DLGAP1: variants seen among roughly 807,000 people sequenced by gnomAD.
The protein encoded by DLGAP1 is DLG associated protein 1.
DLGAP1 carries 11 observed loss-of-function variants against 90.8 expected under a neutral mutation model. The observed-to-expected ratio is 0.12, with a 90% CI of 0.08 to 0.20. The LOEUF (loss-of-function observed/expected upper bound fraction) is 0.20, where lower values mean the gene tolerates loss of function less well. Among genes scored for constraint, DLGAP1 ranks in the 10% least tolerant of loss-of-function variants. The pLI, the probability that DLGAP1 is intolerant of heterozygous loss-of-function variation, is 1.00. For synonymous variants in DLGAP1, 558 were observed against 540.7 expected (o/e 1.03, Z -0.44); for missense variants, 1,050 against 1,333.8 (o/e 0.79, Z 3.31).
At position 3,827,476 on chromosome 18, in the gene DLGAP1, C is replaced by T. The variant is rs77268316; in HGVS notation, c.958-13203G>A. Reference sequence around the variant, plus strand: ...ATCCCATGGGACACTAAGTCAGCAACGTTAATTTTATCTCTTAGTCTCAGT... The same window carrying T: ...ATCCCATGGGACACTAAGTCAGCAATGTTAATTTTATCTCTTAGTCTCAGT... On this transcript the variant is annotated intron_variant, in intron 4 of 12. Coordinates refer to ENST00000315677, the MANE Select transcript of DLGAP1 (RefSeq NM_004746.4). Among the ~76,000 whole-genome samples the T allele has an allele frequency of 4.1e-3, 619 of 152,268 alleles. 13 individuals carry two copies. In the East Asian group the frequency reaches 0.051, roughly 13 times the overall value.
chr18:4,433,871 A>C (rs1012903637), intron 1 of DLGAP1, among the ~76,000 whole-genome samples: 4 of 152,184 alleles, frequency 2.6e-5, no homozygotes, highest in African/African-American at 9.7e-5. Flanking sequence ...TCAGTGATTC[A>C]TTGCTGCGTA....
chr18:3,840,071 C>G (rs181915987), intron 4 of DLGAP1, among the ~76,000 whole-genome samples: 1 of 152,230 alleles, frequency 6.6e-6, no homozygotes, highest in African/African-American at 2.4e-5. Flanking sequence ...CCTCTGACCA[C>G]GTATTTAGGC....
intron 1 of DLGAP1, among the ~76,000 whole-genome samples, chr18:4,429,515 A>C (rs2083233867): frequency 6.6e-6 from 1 of 152,228 alleles, no homozygotes; most frequent in Non-Finnish European, 1.5e-5. Flanking sequence ...TCACAATAAA[A>C]ATAACTTTTC....
intron 1 of DLGAP1, among the ~76,000 whole-genome samples, chr18:4,288,684 A>G (rs578015114): frequency 6.6e-6 from 1 of 152,196 alleles, no homozygotes; most frequent in African/African-American, 2.4e-5. Context: ...AGACACTTGA[A>G]TGTTTTAGGA....
chr18:4,005,934 A>C (rs1479171756), intron 2 of DLGAP1, among the ~76,000 whole-genome samples: 1 of 152,132 alleles, frequency 6.6e-6, no homozygotes, highest in East Asian at 1.9e-4. Context: ...TGTAATCTCT[A>C]AATGGTGATT....
intron 2 of DLGAP1, among the ~76,000 whole-genome samples, chr18:4,089,881 T>TAA (rs777232302): frequency 2.0e-5 from 3 of 152,068 alleles, no homozygotes; most frequent in Non-Finnish European, 2.9e-5. Flanking sequence ...CCGTCTCTAC[T>TAA]AAAAACACAA....
At position 3,729,057 on chromosome 18, in the gene DLGAP1, A is replaced by G; in HGVS notation, c.1591+78T>C. 6.6e-7 allele frequency: 1 copy of G among 1,516,854 alleles called. No individual in the cohort carries two copies. Among genetic ancestry groups the G allele is most frequent in the African/African-American group, 1.4e-5 (1 of 73,270 alleles). 94.0% of individuals were successfully genotyped at this position (1,516,854 alleles called of 1,614,324 possible). A position where few individuals can be genotyped will look rare whatever the true frequency, so the allele number is the denominator to read the frequency against. ...GTTCCTGGCAACTATGTGTGTTGAC[A>G]GCAAGGGCACAGTCTTTGGGGACAG... On this transcript the variant is annotated intron_variant, in intron 7 of 12. Transcript: ENST00000315677. The surrounding 1 kb of genome is among the most constrained non-coding windows in gnomAD (Gnocchi z 6.2).
At position 4,137,087 on chromosome 18, in the gene DLGAP1, TC is replaced by T. The variant is rs558302020; in HGVS notation, c.-159+14092del. 9.9e-5 allele frequency among the ~76,000 whole-genome samples: 15 copies of T among 152,278 alleles called. No homozygotes were observed. The South Asian group carries it at 3.1e-3, about 32-fold the overall frequency. On this transcript the variant is annotated intron_variant, in intron 2 of 12. Coordinates refer to ENST00000315677, the MANE Select transcript of DLGAP1 (RefSeq NM_004746.4). ...CACAACAGGCCCCAGTGTGTGATGT[TC>T]CCCTTCCTGTGTCCATGTGTTCTCA...
At chr18:3,893,819 T>C (rs538153969) in intron 3 of DLGAP1, among the ~76,000 whole-genome samples, 1 of 152,160 alleles carries the variant, frequency 6.6e-6, no homozygotes, top group East Asian at 1.9e-4. Context: ...GTTATACTAA[T>C]TTACATTCCC....
intron 2 of DLGAP1, among the ~76,000 whole-genome samples, chr18:4,025,910 T>C (rs2074692113): frequency 6.6e-6 from 1 of 152,226 alleles, no homozygotes; most frequent in African/African-American, 2.4e-5. Context: ...TCTCTTGTTA[T>C]GATAAAAGTA....
chr18:3,892,683 T>G (rs1289922441), intron 3 of DLGAP1, among the ~76,000 whole-genome samples: 1 of 151,978 alleles, frequency 6.6e-6, no homozygotes, highest in Non-Finnish European at 1.5e-5. Context: ...GCATATATAA[T>G]GCACCAAGTG....
intron 10 of DLGAP1, among the ~76,000 whole-genome samples, chr18:3,531,403 C>G (rs964168972): frequency 6.6e-6 from 1 of 152,082 alleles, no homozygotes; most frequent in Non-Finnish European, 1.5e-5. Context: ...GGCCATTGCA[C>G]TCCAGCCTGG....
chr18:4,232,226 A>G (rs1381958024), intron 1 of DLGAP1, among the ~76,000 whole-genome samples: 2 of 152,172 alleles, frequency 1.3e-5, no homozygotes, highest in African/African-American at 4.8e-5. Flanking sequence ...TGTAATGTTC[A>G]TTATAGCAAA....
chr18:3,711,977 C>T lies in DLGAP1; in HGVS notation c.1591+17158G>A, dbSNP rs1023856308. 6.6e-5 allele frequency among the ~76,000 whole-genome samples: 10 copies of T among 152,106 alleles called. No individual in the cohort carries two copies. The highest frequency in any genetic ancestry group is 2.6e-4 in the Admixed American group (4 of 15,278). ...AGAAATGTATAAGGAGGCATGAGTC[C>T]TAACAAACTATTCCTGGGTTCTGGC... On this transcript the variant is annotated intron_variant, in intron 7 of 12. Coordinates refer to ENST00000315677, the MANE Select transcript of DLGAP1 (RefSeq NM_004746.4). The surrounding 1 kb of genome is among the most constrained non-coding windows in gnomAD (Gnocchi z 4.0).
intron 2 of DLGAP1, among the ~76,000 whole-genome samples, chr18:4,040,656 G>A (rs6506157): frequency 0.76 from 115,513 of 152,118 alleles, 44,116 homozygotes; most frequent in South Asian, 0.84. Flanking sequence ...TTCAGCCAAG[G>A]TATCAGTTTG....
At chr18:3,863,666 G>A (rs572707324) in intron 4 of DLGAP1, among the ~76,000 whole-genome samples, 243 of 152,292 alleles carry the variant, frequency 1.6e-3, no homozygotes, top group South Asian at 9.1e-3. Flanking sequence ...GCATGGATGC[G>A]ATGTGAATCT....
intron 4 of DLGAP1, among the ~76,000 whole-genome samples, chr18:3,817,329 CTG>C (rs1478053952): frequency 7.2e-5 from 11 of 152,132 alleles, no homozygotes; most frequent in African/African-American, 2.7e-4. Flanking sequence ...CAGTCTGTAA[CTG>C]TTGTTTAGGG....
chr18:4,358,762 C>G (rs1289514517), intron 1 of DLGAP1, among the ~76,000 whole-genome samples: 7 of 152,222 alleles, frequency 4.6e-5, no homozygotes, highest in Admixed American at 4.6e-4. Context: ...TAGGGCTGAG[C>G]TTTGTGGCCA....
At chr18:4,142,644 C>T (rs2144322167) in intron 2 of DLGAP1, among the ~76,000 whole-genome samples, 1 of 152,260 alleles carries the variant, frequency 6.6e-6, no homozygotes, top group East Asian at 1.9e-4. Flanking sequence ...AGATTTATCT[C>T]AGAACACACT....
Sources: gnomAD v4.1 joint callset for allele counts (sites outside exome capture counted in the v4.1 genomes callset) on GRCh38, gnomAD v4.1.1 for gene constraint, Gnocchi (gnomAD v3.1) non-coding constraint, MANE v1.5 for transcripts, NCBI Gene and HGNC (gene_info 2026-07-23, HGNC 2026-07-21) for gene names.